Variants in OXSR1 observed in about 807,000 individuals in gnomAD.
The protein encoded by OXSR1 is serine/threonine-protein kinase OSR1.
OXSR1 carries 24 observed loss-of-function variants against 79.8 expected under a neutral mutation model. The ratio of observed to expected loss-of-function variants is 0.30; its 90% confidence interval spans 0.22 to 0.42. The LOEUF (loss-of-function observed/expected upper bound fraction) is 0.42. OXSR1 is among the 10% of genes least tolerant of loss of function. The pLI, the probability that OXSR1 is intolerant of heterozygous loss-of-function variation, is 1.00. For synonymous variants in OXSR1, 226 were observed against 209.2 expected (o/e 1.08, Z -0.69); for missense variants, 430 against 618.4 (o/e 0.70, Z 3.23).
intron 11 of OXSR1, among the ~76,000 whole-genome samples, chr3:38,241,922 A>C (rs909834656): frequency 6.6e-6 from 1 of 151,704 alleles, no homozygotes; most frequent in Non-Finnish European, 1.5e-5. Context: ...AAAAAAAAAA[A>C]CCATCAATTG....
chr3:38,243,378 A>G (rs1326808785), intron 12 of OXSR1, among the ~76,000 whole-genome samples: 1 of 152,148 alleles, frequency 6.6e-6, no homozygotes, highest in African/African-American at 2.4e-5. Flanking sequence ...GTCAAATGCC[A>G]CCTGTCCTTT....
Position 38,182,985 on chromosome 3 carries a change from T to A in OXSR1, c.71-18T>A, listed in dbSNP as rs761194140. The A allele has an allele frequency of 7.3e-7, 1 of 1,371,998 alleles. No individual in the cohort carries two copies. The highest frequency in any genetic ancestry group is 1.2e-5 in the South Asian group (1 of 83,754). The allele number at this position is 1,371,998 out of a possible 1,614,324, so 85.0% of individuals were successfully genotyped here. ...TATATCCATCTACTTATTTACTCTTTTATGTATTTGTTTTTAGGGAGTGGA... is the reference window on the plus strand; with the variant it reads ...TATATCCATCTACTTATTTACTCTTATATGTATTTGTTTTTAGGGAGTGGA... On this transcript the variant is annotated intron_variant, in intron 1 of 17. Transcript: ENST00000311806.
chr3:38,210,988 G>C (rs935612962), intron 4 of OXSR1, among the ~76,000 whole-genome samples: 1 of 152,176 alleles, frequency 6.6e-6, no homozygotes, highest in African/African-American at 2.4e-5. Flanking sequence ...TTTGCCAGCA[G>C]GGGTAGTTGA....
chr3:38,227,701 A>G (rs1014804034), intron 8 of OXSR1, among the ~76,000 whole-genome samples: 20 of 152,176 alleles, frequency 1.3e-4, no homozygotes, highest in Non-Finnish European at 2.9e-5. Flanking sequence ...AAAGACCTAT[A>G]TTCTCAGAGT....
At position 38,190,777 on chromosome 3, in the gene OXSR1, CT is replaced by C; in HGVS notation, c.232del (p.Tyr78ThrfsTer7). On this transcript the variant is annotated frameshift_variant, in exon 3 of 18. Coordinates refer to ENST00000311806, the MANE Select transcript of OXSR1 (RefSeq NM_005109.3). LOFTEE classifies it high-confidence loss of function. ...MSQCHHPNIV[S>X]YYTSFVVKDE... ...CAATGCCATCATCCTAATATTGTAT[CT>C]TACTACACATCTTTTGTGGTAAAAG... The C allele has an allele frequency of 6.2e-7, 1 of 1,609,706 alleles. No homozygotes were observed. The highest frequency in any genetic ancestry group is 8.5e-7 in the Non-Finnish European group (1 of 1,176,184).
At chr3:38,204,561 A>C (rs1425931973) in intron 4 of OXSR1, among the ~76,000 whole-genome samples, 1 of 151,430 alleles carries the variant, frequency 6.6e-6, no homozygotes, top group Non-Finnish European at 1.5e-5. Context: ...GATGAATCCT[A>C]CCAGAACTAG....
intron 14 of OXSR1, among the ~76,000 whole-genome samples, chr3:38,248,709 T>C (rs948554669): frequency 6.6e-6 from 1 of 152,098 alleles, no homozygotes; most frequent in Non-Finnish European, 1.5e-5. Flanking sequence ...GAAAAACATA[T>C]TTGGTTACCT....
intron 8 of OXSR1, among the ~76,000 whole-genome samples, chr3:38,227,550 CACACACA>C (rs1702715547): frequency 9.2e-6 from 1 of 108,244 alleles, no homozygotes; most frequent in African/African-American, 4.5e-5. Context: ...CACATCCACA[CACACACA>C]CACACACACA....
At chr3:38,177,672 C>A (rs1160179827) in intron 1 of OXSR1, among the ~76,000 whole-genome samples, 1 of 152,016 alleles carries the variant, frequency 6.6e-6, no homozygotes, top group East Asian at 1.9e-4. Context: ...GCAGCATTGA[C>A]CTCCTGGGCC....
intron 1 of OXSR1, among the ~76,000 whole-genome samples, chr3:38,178,989 A>G (rs187547691): frequency 6.9e-6 from 1 of 144,540 alleles, no homozygotes; most frequent in African/African-American, 2.6e-5. Flanking sequence ...CTCAGGCTCT[A>G]TACTAGGTGG....
intron 5 of OXSR1, among the ~76,000 whole-genome samples, chr3:38,216,628 G>A (rs1171170436): frequency 6.6e-6 from 1 of 151,964 alleles, no homozygotes; most frequent in Non-Finnish European, 1.5e-5. Context: ...TGCAGTCCAG[G>A]GCCTACCAAA....
rs775400116 is a variant in OXSR1, at chr3:38,246,094, C to T, written c.1130C>T (p.Pro377Leu). 5 of 1,613,602 alleles carry T rather than the reference C, an allele frequency of 3.1e-6. No homozygotes were observed. In the Admixed American group the frequency reaches 8.3e-5, roughly 27 times the overall value. ...SNSELFPTTD[P>L]VGTLLQVPEQ... Reference sequence around the variant, plus strand: ...TTACAGCTCTTTCCAACAACTGATCCTGTGGGTACTTTGCTCCAAGTTCCA... The same window carrying T: ...TTACAGCTCTTTCCAACAACTGATCTTGTGGGTACTTTGCTCCAAGTTCCA... Residue 377 changes from proline (P) to leucine (L), a missense_variant, in exon 13 of 18, where the codon CCT (proline) becomes CTT (leucine). Transcript: ENST00000311806.
chr3:38,242,504 C>T (rs759562742), intron 11 of OXSR1, among the ~76,000 whole-genome samples: 9 of 152,034 alleles, frequency 5.9e-5, no homozygotes, highest in Admixed American at 1.3e-4. Context: ...TTTTAAAATA[C>T]GGAATTTTAA....
upstream of OXSR1, chr3:38,165,253 C>G (rs1701414512): frequency 6.6e-6 from 1 of 152,606 alleles, no homozygotes; most frequent in Admixed American, 6.5e-5. Context: ...AGAAGTGGCT[C>G]TGCCCCTTCT....
At chr3:38,226,312 T>C (rs1316377073) in intron 8 of OXSR1, among the ~76,000 whole-genome samples, 1 of 151,898 alleles carries the variant, frequency 6.6e-6, no homozygotes, top group Non-Finnish European at 1.5e-5. Context: ...AGTGAAAATC[T>C]GAAAAGATAC....
chr3:38,247,103 A>G (rs745586775), intron 13 of OXSR1, among the ~76,000 whole-genome samples: 1 of 151,884 alleles, frequency 6.6e-6, no homozygotes, highest in Non-Finnish European at 1.5e-5. Context: ...TGCTTGGCAT[A>G]TGGGAAAAGA....
At chr3:38,252,427 C>A (rs756629384) in intron 17 of OXSR1, 35 bp downstream of exon 17, 6 of 1,395,580 alleles carry the variant, frequency 4.3e-6, no homozygotes, top group Non-Finnish European at 6.1e-6. Flanking sequence ...AAACATCTTG[C>A]CTTTTATACA....
chr3:38,238,975 A>G (rs1456439212), intron 11 of OXSR1, among the ~76,000 whole-genome samples: 1 of 151,960 alleles, frequency 6.6e-6, no homozygotes, highest in African/African-American at 2.4e-5. Context: ...TAATTTTTTT[A>G]AAATTCTTTT....
At chr3:38,243,754 A>G (rs1337526293) in intron 12 of OXSR1, among the ~76,000 whole-genome samples, 19 of 152,254 alleles carry the variant, frequency 1.2e-4, no homozygotes, top group Admixed American at 1.2e-3. Flanking sequence ...AAGAGTAAAA[A>G]CAAATACTGT....
Sources: allele counts gnomAD v4.1 joint callset (sites outside exome capture counted in the v4.1 genomes callset), GRCh38; gene constraint gnomAD v4.1.1; transcripts MANE v1.5; gene names NCBI Gene and HGNC (gene_info 2026-07-23, HGNC 2026-07-21).